The following GPHN variants were observed in gnomAD, a reference collection of about 807,000 sequenced individuals.
GPHN encodes the protein gephyrin.
A neutral mutation model predicts 95.5 loss-of-function variants in GPHN; 17 were observed. The observed-to-expected ratio is 0.18, with a 90% CI of 0.12 to 0.27. The LOEUF (loss-of-function observed/expected upper bound fraction) is 0.27. Among genes scored for constraint, GPHN ranks in the 10% least tolerant of loss-of-function variants. The pLI, the probability that GPHN is intolerant of heterozygous loss-of-function variation, is 1.00. For synonymous variants in GPHN, 320 were observed against 322.5 expected (o/e 0.99, Z 0.08); for missense variants, 660 against 978.1 (o/e 0.67, Z 4.34).
intron 1 of GPHN, among the ~76,000 whole-genome samples, chr14:66,604,050 T>C (rs550469774): frequency 1.3e-5 from 2 of 152,240 alleles, no homozygotes; most frequent in East Asian, 3.9e-4. Context: ...GTAAGCACTT[T>C]AATTGGATTA....
chr14:67,593,904 G>A, the GPHN span: 18 of 1,613,430 alleles, frequency 1.1e-5, no homozygotes, highest in Non-Finnish European at 1.4e-5. Flanking sequence ...AGATAACCAA[G>A]CAGACCTAAG....
chr14:66,914,112 A>G (rs1194692807), intron 5 of GPHN, among the ~76,000 whole-genome samples: 1 of 152,138 alleles, frequency 6.6e-6, no homozygotes, highest in Non-Finnish European at 1.5e-5. Flanking sequence ...AGAAACCTTT[A>G]ATTATATCAC....
At chr14:67,540,541 A>G in the GPHN span, among the ~76,000 whole-genome samples, 3 of 151,848 alleles carry the variant, frequency 2.0e-5, no homozygotes, top group East Asian at 1.9e-4. Flanking sequence ...CATGAGAATC[A>G]CTTGAAGCCA....
At chr14:66,638,356 C>T (rs1182430492) in intron 1 of GPHN, among the ~76,000 whole-genome samples, 1 of 152,074 alleles carries the variant, frequency 6.6e-6, no homozygotes, top group East Asian at 1.9e-4. Context: ...ATTGCTTGAA[C>T]CAGGGAGGCA....
At chr14:67,379,284 C>T in the GPHN span, among the ~76,000 whole-genome samples, 1 of 152,176 alleles carries the variant, frequency 6.6e-6, no homozygotes, top group Admixed American at 6.5e-5. Context: ...TTGGTTTCAC[C>T]AAATCCTTGC....
At chr14:67,717,414 G>C in the GPHN span, among the ~76,000 whole-genome samples, 1 of 152,198 alleles carries the variant, frequency 6.6e-6, no homozygotes, top group Non-Finnish European at 1.5e-5. Context: ...TTAGTAGATG[G>C]CCAGCATCCT....
chr14:66,542,378 C>G (rs903762013), intron 1 of GPHN, among the ~76,000 whole-genome samples: 3 of 152,206 alleles, frequency 2.0e-5, no homozygotes, highest in Non-Finnish European at 2.9e-5. Context: ...CTCAATCTCT[C>G]AGCTGATGAT....
chr14:67,562,576 G>A, the GPHN span: 6 of 1,612,498 alleles, frequency 3.7e-6, no homozygotes, highest in Non-Finnish European at 5.1e-6. Flanking sequence ...TACCAAAGGT[G>A]CGGGCTCCTG....
At chr14:67,246,529 C>T in the GPHN span, among the ~76,000 whole-genome samples, 1 of 151,908 alleles carries the variant, frequency 6.6e-6, no homozygotes, top group African/African-American at 2.4e-5. Context: ...TTTGTAGAGA[C>T]AAGATCTCCC....
the GPHN span, among the ~76,000 whole-genome samples, chr14:67,216,142 A>G: frequency 6.6e-6 from 1 of 152,170 alleles, no homozygotes; most frequent in African/African-American, 2.4e-5. Context: ...GTTACAGTCA[A>G]TGAACACATA....
At chr14:66,850,852 GA>G (rs978865156) in intron 4 of GPHN, among the ~76,000 whole-genome samples, 33 of 152,140 alleles carry the variant, frequency 2.2e-4, no homozygotes, top group Admixed American at 1.6e-3. Context: ...ATTTCATTGT[GA>G]AACAGAAAGA....
the GPHN span, chr14:67,589,542 G>A: frequency 1.0e-6 from 1 of 985,360 alleles, no homozygotes; most frequent in Non-Finnish European, 1.2e-6. Context: ...AGGTAACTGT[G>A]TGTTTTGGAA....
chr14:67,631,434 CTTTTTT>C, the GPHN span, among the ~76,000 whole-genome samples: 1 of 113,160 alleles, frequency 8.8e-6, no homozygotes, highest in Non-Finnish European at 1.7e-5. Flanking sequence ...TTCTTTCTTT[CTTTTTT>C]TTTTTTTTTT....
the GPHN span, chr14:67,578,117 AC>A: frequency 6.2e-7 from 1 of 1,613,756 alleles, no homozygotes; most frequent in Non-Finnish European, 8.5e-7. The surrounding 1 kb of genome is among the most constrained non-coding windows in gnomAD (Gnocchi z 5.0). Context: ...TGCCTGGTTC[AC>A]CCCGAGCTGC....
chr14:67,279,241 C>T, the GPHN span: 1 of 1,613,302 alleles, frequency 6.2e-7, no homozygotes, highest in South Asian at 1.1e-5. Context: ...GTTGATCTTG[C>T]ATCACCAGAG....
chr14:67,494,509 A>C, the GPHN span, among the ~76,000 whole-genome samples: 3 of 152,212 alleles, frequency 2.0e-5, no homozygotes, highest in Admixed American at 2.0e-4. Context: ...AAATCCAGGC[A>C]CAGGAAGGGC....
chr14:67,727,373 AG>A, the GPHN span: 55,890 of 623,976 alleles, frequency 0.09, 2,736 homozygotes, highest in Middle Eastern at 0.18. Flanking sequence ...AAAATCAAAT[AG>A]GGGTTAAGAA....
At chr14:66,863,315 G>T (rs946966457) in intron 4 of GPHN, among the ~76,000 whole-genome samples, 2 of 151,866 alleles carry the variant, frequency 1.3e-5, no homozygotes, top group Admixed American at 1.3e-4. Flanking sequence ...GAAAGAAATT[G>T]CAGAGGACAC....
the GPHN span, among the ~76,000 whole-genome samples, chr14:67,409,803 T>C: frequency 1.3e-5 from 2 of 152,314 alleles, no homozygotes; most frequent in South Asian, 2.1e-4. Context: ...CCTAAGACTA[T>C]GGAATCCCCC....
Sources: allele counts gnomAD v4.1 joint callset (sites outside exome capture counted in the v4.1 genomes callset), GRCh38; gene constraint gnomAD v4.1.1; non-coding constraint Gnocchi (gnomAD v3.1); transcripts MANE v1.5; gene names NCBI Gene and HGNC (gene_info 2026-07-23, HGNC 2026-07-21).